The following HACD1 variants were observed in gnomAD, a reference collection of about 807,000 sequenced individuals.
HACD1 encodes very-long-chain (3R)-3-hydroxyacyl-CoA dehydratase 1.
A neutral mutation model predicts 32.0 loss-of-function variants in HACD1; 41 were observed. That is an observed-to-expected ratio of 1.28 (90% CI 1.00 to 1.66). HACD1 has a LOEUF of 1.66. Ranked by LOEUF, HACD1 falls within the 40% of genes most tolerant of loss-of-function variation. The pLI is 0.00. For missense variants in HACD1, 396 were observed against 380.1 expected (o/e 1.04, Z -0.35); for synonymous variants, 142 against 139.0 (o/e 1.02, Z -0.15).
chr10:17,611,589 C>T (rs782050089), intron 1 of HACD1, among the ~76,000 whole-genome samples: 10 of 152,186 alleles, frequency 6.6e-5, no homozygotes, highest in Non-Finnish European at 1.3e-4. Context: ...TTTATATATA[C>T]GGGCACAAAA....
chr10:17,591,047 T>G (rs956486087), intron 6 of HACD1, among the ~76,000 whole-genome samples: 2 of 152,204 alleles, frequency 1.3e-5, no homozygotes, highest in Non-Finnish European at 2.9e-5. Context: ...AAGACCATGT[T>G]TGAGTTTAGA....
At chr10:17,607,396 C>T (rs1162727037) in intron 1 of HACD1, among the ~76,000 whole-genome samples, 1 of 152,188 alleles carries the variant, frequency 6.6e-6, no homozygotes, top group Admixed American at 6.5e-5. Context: ...GCTTTAGGTA[C>T]CTTCCACAAC....
intron 6 of HACD1, among the ~76,000 whole-genome samples, chr10:17,592,076 G>A (rs913488676): frequency 2.8e-5 from 4 of 142,710 alleles, no homozygotes; most frequent in Non-Finnish European, 4.5e-5. Context: ...CTGCCTCCCC[G>A]GTTTCAGTGA....
chr10:17,597,495 A>G (rs182582820), intron 5 of HACD1, among the ~76,000 whole-genome samples: 5 of 151,934 alleles, frequency 3.3e-5, no homozygotes, highest in African/African-American at 9.7e-5. Context: ...CAGAGTTTTT[A>G]TCTTTTCCAG....
At chr10:17,610,325 G>C (rs1554817389) in intron 1 of HACD1, among the ~76,000 whole-genome samples, 1 of 152,128 alleles carries the variant, frequency 6.6e-6, no homozygotes, top group East Asian at 1.9e-4. Context: ...AGTATACTGT[G>C]AAAATATCTT....
chr10:17,591,061 C>T (rs1352308247), intron 6 of HACD1, among the ~76,000 whole-genome samples: 1 of 152,136 alleles, frequency 6.6e-6, no homozygotes, highest in East Asian at 1.9e-4. Flanking sequence ...GTTTAGAATT[C>T]TGAACTCTTT....
chr10:17,614,047 A>G (rs1256138707), intron 1 of HACD1, among the ~76,000 whole-genome samples: 4 of 152,204 alleles, frequency 2.6e-5, no homozygotes, highest in African/African-American at 9.6e-5. Flanking sequence ...AACTGGAGCT[A>G]TGCATTGATG....
intron 1 of HACD1, among the ~76,000 whole-genome samples, chr10:17,613,129 TGTGTGTGTGTGTG>T (rs1168370101): frequency 1.3e-4 from 18 of 139,902 alleles, no homozygotes; most frequent in South Asian, 2.4e-4. Flanking sequence ...TGTGTGTGTG[TGTGTGTGTGTGTG>T]TGTGTTTTGT....
At chr10:17,615,922 C>A in intron 1 of HACD1, 1 of 383,944 alleles carries the variant, frequency 2.6e-6, no homozygotes. Context: ...GAGCGGAGAT[C>A]GCGCCAATGC....
chr10:17,598,351 T>C (rs1173686251), intron 5 of HACD1, among the ~76,000 whole-genome samples: 2 of 151,760 alleles, frequency 1.3e-5, no homozygotes, highest in Non-Finnish European at 2.9e-5. Flanking sequence ...AATTTAAAAG[T>C]GGTTTTCCTT....
At chr10:17,611,129 T>C (rs1554817452) in intron 1 of HACD1, among the ~76,000 whole-genome samples, 1 of 151,500 alleles carries the variant, frequency 6.6e-6, no homozygotes, top group African/African-American at 2.4e-5. Flanking sequence ...GTCTCCCGAG[T>C]AGCTGGGACT....
At chr10:17,615,782 C>T (rs1347222559) in intron 1 of HACD1, 1 of 412,644 alleles carries the variant, frequency 2.4e-6, no homozygotes, top group South Asian at 1.7e-5. Flanking sequence ...CCCTGGCCAA[C>T]ATGGTGATAC....
intron 1 of HACD1, among the ~76,000 whole-genome samples, chr10:17,612,030 C>CATGA (rs1458764871): frequency 6.8e-6 from 1 of 146,760 alleles, no homozygotes; most frequent in Non-Finnish European, 1.5e-5. Context: ...CCCAGCTACT[C>CATGA]ATGAGGCTAA....
intron 1 of HACD1, among the ~76,000 whole-genome samples, chr10:17,611,069 C>T (rs555996089): frequency 1.9e-4 from 28 of 147,498 alleles, no homozygotes; most frequent in African/African-American, 4.5e-4. Context: ...GGCATGGTCT[C>T]GGATCACTGC....
At chr10:17,603,465 C>T (rs1332974966) in intron 4 of HACD1, 95 bp downstream of exon 4, 2 of 1,161,678 alleles carry the variant, frequency 1.7e-6, no homozygotes, top group Non-Finnish European at 2.5e-6. Context: ...CCAACACTTC[C>T]ACCTCCTGAA....
chr10:17,594,298 T>G lies in HACD1; in HGVS notation c.691A>C (p.Thr231Pro), dbSNP rs1554815821. 8 of 1,604,790 alleles carry G rather than the reference T, an allele frequency of 5.0e-6. No homozygotes were observed. The highest frequency in any genetic ancestry group is 1.3e-5 in the African/African-American group (1 of 74,770). The change falls in exon 6 of 7, where the codon ACA (threonine) becomes CCA (proline). Residue 231 changes from threonine to proline, a missense_variant. Thr to Pro is a conservative substitution (Grantham distance 38). Coordinates refer to ENST00000361271, the MANE Select transcript of HACD1 (RefSeq NM_014241.4). ...GGAAGTCTTATTGAAAACATTCCTG[T>G]TTTCTTCACATGCGGCAAGGCAGCG... ...IYAALPHVKK[T>P]GMFSIRLPNK...
chr10:17,615,822 TG>T, intron 1 of HACD1: 1 of 429,754 alleles, frequency 2.3e-6, no homozygotes, highest in South Asian at 1.6e-5. Flanking sequence ...CAAAAATTAA[TG>T]GGGCGTGGTG....
chr10:17,589,847 T>G lies in HACD1; in HGVS notation c.*517A>C, dbSNP rs1031107481. ...TGCTACTTTATCTACATCAAAAGTC[T>G]TACTTTAGCAAATTATATCCACGCT... On this transcript the variant is annotated 3_prime_UTR_variant, in exon 7 of 7. Coordinates refer to ENST00000361271, the MANE Select transcript of HACD1 (RefSeq NM_014241.4). 2.6e-5 allele frequency: 4 copies of G among 152,344 alleles called. No homozygotes were observed. The highest frequency in any genetic ancestry group is 9.6e-5 in the African/African-American group (4 of 41,584). The allele number at this position is 152,344 out of a possible 1,614,324, so 9.4% of individuals were successfully genotyped here.
chr10:17,607,722 A>C (rs1834168158), intron 1 of HACD1, among the ~76,000 whole-genome samples: 1 of 152,178 alleles, frequency 6.6e-6, no homozygotes, highest in Non-Finnish European at 1.5e-5. Flanking sequence ...TAGTATCATG[A>C]TCGTGCCACT....
Sources: allele counts gnomAD v4.1 joint callset (sites outside exome capture counted in the v4.1 genomes callset), GRCh38; gene constraint gnomAD v4.1.1; transcripts MANE v1.5; gene names NCBI Gene and HGNC (gene_info 2026-07-23, HGNC 2026-07-21).